MACROD2: variants seen among roughly 807,000 people sequenced by gnomAD.
MACROD2 encodes ADP-ribose glycohydrolase MACROD2.
Under a neutral mutation model 70.4 loss-of-function variants are expected in MACROD2, and 36 were observed. That is an observed-to-expected ratio of 0.51 (90% CI 0.39 to 0.68). The LOEUF (loss-of-function observed/expected upper bound fraction) is 0.68. MACROD2 is among the 30% of genes least tolerant of loss of function. The pLI is 0.00. For synonymous variants in MACROD2, 172 were observed against 178.8 expected (o/e 0.96, Z 0.30); for missense variants, 496 against 538.4 (o/e 0.92, Z 0.78).
chr20:14,736,923 C>G (rs2071672429), intron 5 of MACROD2, among the ~76,000 whole-genome samples: 1 of 152,034 alleles, frequency 6.6e-6, no homozygotes, highest in Non-Finnish European at 1.5e-5. Flanking sequence ...GAAAATTATA[C>G]AACAGAATCT....
At chr20:14,088,327 T>TAAAAAAA (rs11372104) in intron 3 of MACROD2, among the ~76,000 whole-genome samples, 1 of 117,938 alleles carries the variant, frequency 8.5e-6, no homozygotes, top group Non-Finnish European at 1.7e-5. Flanking sequence ...AGACTCCATC[T>TAAAAAAA]AAAAAAAAAA....
chr20:14,431,885 T>G (rs2083998366), intron 3 of MACROD2, among the ~76,000 whole-genome samples: 1 of 152,156 alleles, frequency 6.6e-6, no homozygotes, highest in Non-Finnish European at 1.5e-5. Flanking sequence ...TGCAATTACC[T>G]CTAAGTTCTC....
chr20:14,406,373 C>T (rs963123139), intron 3 of MACROD2, among the ~76,000 whole-genome samples: 2 of 152,004 alleles, frequency 1.3e-5, no homozygotes, highest in African/African-American at 4.8e-5. Flanking sequence ...CTGGCTTAGA[C>T]GTGTTCTGAT....
intron 5 of MACROD2, among the ~76,000 whole-genome samples, chr20:15,078,708 C>CTTT (rs11407171): frequency 2.1e-5 from 3 of 145,964 alleles, no homozygotes; most frequent in African/African-American, 5.0e-5. Flanking sequence ...CCTTCACTTT[C>CTTT]TTTTTTTTTT....
rs115317443 is a variant in MACROD2, at chr20:14,378,149, C to T, written c.272-115330C>T. The stretch of plus-strand genomic sequence containing the variant: ...AGTTTCCATAGTTTATTAGTTTTAG[C>T]GTGGGACCTGAGAATTTGCATTTCT... On this transcript the variant is annotated intron_variant, in intron 3 of 17. Transcript: ENST00000684519. 2.5e-3 allele frequency among the ~76,000 whole-genome samples: 377 copies of T among 152,270 alleles called. 1 individual carries two copies. Among genetic ancestry groups the T allele is most frequent in the African/African-American group, 8.6e-3 (357 of 41,552 alleles).
intron 3 of MACROD2, among the ~76,000 whole-genome samples, chr20:14,364,957 T>A (rs1163176414): frequency 6.6e-6 from 1 of 152,210 alleles, no homozygotes; most frequent in Non-Finnish European, 1.5e-5. Context: ...CTGTCTGGCT[T>A]TGGTTCAGAG....
At position 16,044,221 on chromosome 20, in the gene MACROD2, CACTT is replaced by C. The variant is rs2067347225; in HGVS notation, c.1232-349_1232-346del. On this transcript the variant is annotated intron_variant, in intron 16 of 17. Coordinates refer to ENST00000684519, the MANE Select transcript of MACROD2 (RefSeq NM_001351661.2). ...GCAAGACTAGAAGCAACGTGTCACA[CACTT>C]TTAAACAACCAGATCTCATATGAGC... Among the ~76,000 whole-genome samples, 10 of 152,038 alleles carry C rather than the reference CACTT, an allele frequency of 6.6e-5. No individual in the cohort carries two copies. The South Asian group carries it at 2.1e-3, about 32-fold the overall frequency.
chr20:15,637,756 C>T (rs1171390269), intron 8 of MACROD2, among the ~76,000 whole-genome samples: 1 of 152,164 alleles, frequency 6.6e-6, no homozygotes, highest in Non-Finnish European at 1.5e-5. Context: ...GGGCTGATAC[C>T]ATGGCAACCC....
At chr20:15,076,203 G>T (rs768353255) in intron 5 of MACROD2, among the ~76,000 whole-genome samples, 20 of 151,916 alleles carry the variant, frequency 1.3e-4, no homozygotes, top group Non-Finnish European at 5.9e-5. Flanking sequence ...TAATGTCCTT[G>T]TAATGTATTT....
intron 8 of MACROD2, among the ~76,000 whole-genome samples, chr20:15,752,372 A>G (rs989939698): frequency 6.6e-6 from 1 of 152,038 alleles, no homozygotes. Flanking sequence ...TATTCCCATA[A>G]TCAATTAGAG....
At chr20:14,063,780 T>G (rs184364504) in intron 2 of MACROD2, among the ~76,000 whole-genome samples, 1 of 152,174 alleles carries the variant, frequency 6.6e-6, no homozygotes, top group Non-Finnish European at 1.5e-5. Flanking sequence ...CAGGCTGGAG[T>G]GCAGTGGCAT....
intron 5 of MACROD2, among the ~76,000 whole-genome samples, chr20:14,890,989 T>TCCTTCTTTCCTTCCTTCCTC: frequency 1.4e-5 from 1 of 69,990 alleles, no homozygotes; most frequent in Non-Finnish European, 2.8e-5. Context: ...CTTCCTTCCT[T>TCCTTCTTTCCTTCCTTCCTC]CCTCCCTCCC....
chr20:15,848,603 A>T (rs919273899), intron 8 of MACROD2, among the ~76,000 whole-genome samples: 1 of 152,338 alleles, frequency 6.6e-6, no homozygotes, highest in Middle Eastern at 3.4e-3. Context: ...TAATTAATTG[A>T]TAAGACCACT....
At chr20:14,203,100 TTG>T (rs1230023437) in intron 3 of MACROD2, among the ~76,000 whole-genome samples, 1 of 152,034 alleles carries the variant, frequency 6.6e-6, no homozygotes, top group Non-Finnish European at 1.5e-5. Flanking sequence ...TTTCTTTTTG[TTG>T]TGTGTGTGAC....
intron 5 of MACROD2, chr20:15,023,099 G>T (rs1190353907): frequency 5.9e-5 from 9 of 152,026 alleles, no homozygotes; most frequent in Admixed American, 5.9e-4. Context: ...CTGACCACAT[G>T]CCCAGATCAG....
At chr20:14,620,023 G>A (rs777607062) in intron 4 of MACROD2, among the ~76,000 whole-genome samples, 5 of 152,154 alleles carry the variant, frequency 3.3e-5, no homozygotes, top group Non-Finnish European at 5.9e-5. Flanking sequence ...GTCACTTTGA[G>A]ACAGGAAGTA....
At chr20:15,157,158 G>T (rs1433703869) in intron 5 of MACROD2, among the ~76,000 whole-genome samples, 2 of 152,154 alleles carry the variant, frequency 1.3e-5, no homozygotes, top group African/African-American at 2.4e-5. Flanking sequence ...GGTTCTGGAG[G>T]CTGGGAAGTC....
intron 5 of MACROD2, among the ~76,000 whole-genome samples, chr20:15,134,215 A>G (rs2076128719): frequency 6.8e-6 from 1 of 146,678 alleles, no homozygotes; most frequent in Non-Finnish European, 1.5e-5. Context: ...CTTTTAAATA[A>G]TCTTAAAGGT....
chr20:15,383,935 A>G (rs1247958194), intron 6 of MACROD2, among the ~76,000 whole-genome samples: 1 of 152,176 alleles, frequency 6.6e-6, no homozygotes, highest in Non-Finnish European at 1.5e-5. Flanking sequence ...CTCAGGGAGC[A>G]ATTCAGCTAT....
Sources: allele counts gnomAD v4.1 joint callset (sites outside exome capture counted in the v4.1 genomes callset), GRCh38; gene constraint gnomAD v4.1.1; transcripts MANE v1.5; gene names NCBI Gene and HGNC (gene_info 2026-07-23, HGNC 2026-07-21).